The following PTPRD variants were observed in gnomAD, a reference collection of about 807,000 sequenced individuals.
PTPRD encodes protein tyrosine phosphatase receptor type D.
A neutral mutation model predicts 214.5 loss-of-function variants in PTPRD; 34 were observed. The ratio of observed to expected loss-of-function variants is 0.16; its 90% CI spans 0.12 to 0.21. The LOEUF (loss-of-function observed/expected upper bound fraction) is 0.21. Ranked by LOEUF, PTPRD falls within the 10% of genes least tolerant of loss-of-function variation. PTPRD has a pLI of 1.00. For synonymous variants in PTPRD, 1,128 were observed against 845.7 expected (o/e 1.33, Z -5.79); for missense variants, 2,545 against 2,398.7 (o/e 1.06, Z -1.27).
intron 11 of PTPRD, among the ~76,000 whole-genome samples, chr9:8,759,595 C>T (rs1422178305): frequency 6.8e-6 from 1 of 146,384 alleles, no homozygotes; most frequent in African/African-American, 2.5e-5. Flanking sequence ...CTGTTGGCAT[C>T]TTTTGTTCCT....
intron 3 of PTPRD, among the ~76,000 whole-genome samples, chr9:10,261,447 C>A (rs1037425052): frequency 5.3e-5 from 8 of 151,762 alleles, no homozygotes; most frequent in African/African-American, 1.9e-4. Context: ...TAGATACAGA[C>A]AAAGAAAGAT....
chr9:8,682,295 T>C (rs575608355), intron 12 of PTPRD, among the ~76,000 whole-genome samples: 28 of 152,352 alleles, frequency 1.8e-4, no homozygotes, highest in Admixed American at 1.8e-3. Context: ...TACCGGGATA[T>C]ACCCATTCTT....
At chr9:8,853,736 C>A (rs1268396841) in intron 11 of PTPRD, among the ~76,000 whole-genome samples, 3 of 152,186 alleles carry the variant, frequency 2.0e-5, no homozygotes, top group African/African-American at 7.2e-5. Context: ...TAACTCTTCT[C>A]TTTGCTCTTT....
At chr9:9,959,485 A>G (rs1210495697) in intron 4 of PTPRD, among the ~76,000 whole-genome samples, 1 of 152,190 alleles carries the variant, frequency 6.6e-6, no homozygotes, top group Non-Finnish European at 1.5e-5. Context: ...GTAAAACTTA[A>G]TGTATAGACA....
At chr9:9,905,937 G>C (rs1418085238) in intron 5 of PTPRD, among the ~76,000 whole-genome samples, 2 of 151,920 alleles carry the variant, frequency 1.3e-5, no homozygotes, top group African/African-American at 4.8e-5. Context: ...AGATAAGGTG[G>C]GACCAGAATA....
intron 2 of PTPRD, among the ~76,000 whole-genome samples, chr9:10,438,149 A>G (rs1588175993): frequency 6.6e-6 from 1 of 151,050 alleles, no homozygotes. Context: ...TGGTCCATTT[A>G]TTAAGTAAGT....
At chr9:9,786,605 A>G (rs1333468576) in intron 5 of PTPRD, among the ~76,000 whole-genome samples, 1 of 152,130 alleles carries the variant, frequency 6.6e-6, no homozygotes, top group Non-Finnish European at 1.5e-5. Context: ...CTTTAAAATC[A>G]CTTGCAGGTG....
At chr9:8,679,655 T>C (rs1019438686) in intron 12 of PTPRD, among the ~76,000 whole-genome samples, 4 of 152,236 alleles carry the variant, frequency 2.6e-5, no homozygotes, top group Admixed American at 1.3e-4. Context: ...CAACAGATAC[T>C]GAGATTCAGA....
chr9:9,342,581 G>C (rs1319811418), intron 9 of PTPRD, among the ~76,000 whole-genome samples: 3 of 152,106 alleles, frequency 2.0e-5, no homozygotes, highest in Admixed American at 2.0e-4. Context: ...AGAAAGTACA[G>C]CCTTTTTGGG....
At chr9:9,816,535 T>C (rs1440094632) in intron 5 of PTPRD, among the ~76,000 whole-genome samples, 2 of 152,102 alleles carry the variant, frequency 1.3e-5, no homozygotes, top group Admixed American at 1.3e-4. Context: ...TGAATATATA[T>C]TTGAACAATA....
At chr9:10,012,671 G>C (rs185845279) in intron 4 of PTPRD, among the ~76,000 whole-genome samples, 4 of 152,016 alleles carry the variant, frequency 2.6e-5, no homozygotes, top group African/African-American at 9.6e-5. Context: ...TAATTCCTCA[G>C]TGTAAGGTTT....
At chr9:10,268,464 G>A (rs1178394574) in intron 3 of PTPRD, among the ~76,000 whole-genome samples, 2 of 151,836 alleles carry the variant, frequency 1.3e-5, no homozygotes, top group Non-Finnish European at 1.5e-5. Flanking sequence ...CGATTCCTTT[G>A]ACCTCAAAAA....
intron 11 of PTPRD, among the ~76,000 whole-genome samples, chr9:8,848,204 TA>T (rs1402173253): frequency 1.3e-5 from 2 of 151,174 alleles, no homozygotes; most frequent in East Asian, 3.9e-4. Flanking sequence ...ACCCCTTTGG[TA>T]AAAAAATGTT....
chr9:9,985,032 T>G (rs2095662698), intron 4 of PTPRD, among the ~76,000 whole-genome samples: 1 of 152,056 alleles, frequency 6.6e-6, no homozygotes, highest in Admixed American at 6.6e-5. Context: ...ATATTAAGGG[T>G]TTAAATATGT....
intron 2 of PTPRD, among the ~76,000 whole-genome samples, chr9:10,448,384 A>C (rs566060675): frequency 6.6e-6 from 1 of 152,118 alleles, no homozygotes; most frequent in East Asian, 1.9e-4. Context: ...AAGTAAAAGG[A>C]AAGTAGCCAC....
intron 8 of PTPRD, among the ~76,000 whole-genome samples, chr9:9,568,333 G>C (rs1267200113): frequency 2.0e-5 from 3 of 151,806 alleles, no homozygotes; most frequent in Non-Finnish European, 4.4e-5. Flanking sequence ...ACTGAGGTGG[G>C]AGGTCAAACG....
In PTPRD at chr9:9,216,193, G is replaced by A. The variant is rs183758291; in HGVS notation, c.-202-32830C>T. On this transcript the variant is annotated intron_variant, in intron 9 of 45. Coordinates refer to ENST00000381196, the MANE Select transcript of PTPRD (RefSeq NM_002839.4). Reference sequence around the variant, plus strand: ...TCACAGAGCTGTAAAAATTGCATATGCTTTTGTATGTACCTTGACATACAT... The same window carrying A: ...TCACAGAGCTGTAAAAATTGCATATACTTTTGTATGTACCTTGACATACAT... 3.8e-3 allele frequency among the ~76,000 whole-genome samples: 575 copies of A among 152,236 alleles called. 6 individuals carry two copies. Among genetic ancestry groups the A allele is most frequent in the African/African-American group, 0.013 (536 of 41,530 alleles).
intron 2 of PTPRD, among the ~76,000 whole-genome samples, chr9:10,483,904 A>G (rs2099116084): frequency 1.3e-5 from 2 of 152,186 alleles, no homozygotes; most frequent in Admixed American, 1.3e-4. Context: ...CCACCATTCA[A>G]CTGAGCAAAC....
chr9:8,990,456 G>T (rs1253815335), intron 11 of PTPRD, among the ~76,000 whole-genome samples: 1 of 152,124 alleles, frequency 6.6e-6, no homozygotes, highest in Non-Finnish European at 1.5e-5. Context: ...TTGGGGCTCA[G>T]AAAACAAAAT....
Sources: gnomAD v4.1 joint callset for allele counts (sites outside exome capture counted in the v4.1 genomes callset) on GRCh38, gnomAD v4.1.1 for gene constraint, MANE v1.5 for transcripts, NCBI Gene and HGNC (gene_info 2026-07-23, HGNC 2026-07-21) for gene names.